Variants in ZNF273 observed in about 807,000 individuals in gnomAD.
The protein encoded by ZNF273 is zinc finger protein 9.
A neutral mutation model predicts 14.9 loss-of-function variants in ZNF273; 11 were observed. The observed-to-expected ratio is 0.74, with a 90% CI of 0.46 to 1.22. The LOEUF is 1.22. Among genes scored for constraint, ZNF273 ranks in the 50% most tolerant of loss-of-function variants. The pLI, the probability that ZNF273 is intolerant of heterozygous loss-of-function variation, is 0.00. For synonymous variants in ZNF273, 199 were observed against 223.9 expected (o/e 0.89, Z 0.99); for missense variants, 577 against 660.6 (o/e 0.87, Z 1.39).
chr7:64,915,412 T>C (rs1793903517), intron 1 of ZNF273, among the ~76,000 whole-genome samples: 1 of 152,210 alleles, frequency 6.6e-6, no homozygotes, highest in Middle Eastern at 3.2e-3. Context: ...CCCACGTATT[T>C]ATTGACAGCA....
chr7:64,899,686 T>G (rs7802123), upstream of ZNF273, among the ~76,000 whole-genome samples: 138,319 of 151,084 alleles, frequency 0.92, 63,617 homozygotes, highest in South Asian at 0.97. Flanking sequence ...TTCTATTAAG[T>G]TGTTTAAAGT....
intron 2 of ZNF273, among the ~76,000 whole-genome samples, chr7:64,878,817 C>G (rs758892355): frequency 2.0e-5 from 3 of 152,194 alleles, no homozygotes; most frequent in Non-Finnish European, 4.4e-5. Flanking sequence ...CTATGCTTCT[C>G]CTGGGCCTAG....
downstream of ZNF273, chr7:64,889,317 C>T (rs1189010402): frequency 2.1e-6 from 2 of 964,646 alleles, no homozygotes; most frequent in Non-Finnish European, 2.5e-6. The surrounding 1 kb of genome is among the most constrained non-coding windows in gnomAD (Gnocchi z 4.2). Flanking sequence ...GTGCCTGAGC[C>T]GTACCCACCG....
rs754060087 is a variant in ZNF273 at position 64,928,565 on chromosome 7, C to T, written c.1237C>T (p.Arg413Trp). The change falls in exon 4 of 4, where the codon CGG becomes TGG. Residue 413 changes from arginine to tryptophan, a missense_variant. Physicochemically the swap from Arg to Trp is moderately radical, Grantham distance 101. Around this residue, in one of 3 missense-constraint regions of ZNF273, gnomAD observed 411 missense variants for 440.4 expected, o/e 0.93. Coordinates refer to ENST00000476120, the MANE Select transcript of ZNF273 (RefSeq NM_021148.3). ...KCEECGKAFK[R>W]STTLTKHKRI... ...TGAAGAATGTGGTAAAGCCTTTAAACGGTCCACAACTCTTACTAAACATAA... is the reference window on the plus strand; with the variant it reads ...TGAAGAATGTGGTAAAGCCTTTAAATGGTCCACAACTCTTACTAAACATAA... 49 of 1,612,182 alleles carry T rather than the reference C, an allele frequency of 3.0e-5. No individual in the cohort carries two copies. Among genetic ancestry groups the T allele is most frequent in the South Asian group, 1.6e-4 (15 of 90,992 alleles).
chr7:64,900,539 G>A (rs1792637052), upstream of ZNF273, among the ~76,000 whole-genome samples: 2 of 152,196 alleles, frequency 1.3e-5, no homozygotes, highest in Admixed American at 6.5e-5. Context: ...ACTAGTGAAT[G>A]CCAGCAGCTA....
intron 1 of ZNF273, 151 bp downstream of exon 1, chr7:64,903,570 C>G (rs1792882438): frequency 1.2e-6 from 1 of 829,930 alleles, no homozygotes; most frequent in South Asian, 1.6e-5. Context: ...CCTCAGTCCC[C>G]TTCAGTCATA....
chr7:64,890,678 C>T (rs538788476), downstream of ZNF273, among the ~76,000 whole-genome samples: 7 of 152,342 alleles, frequency 4.6e-5, no homozygotes, highest in East Asian at 3.9e-4. Flanking sequence ...GCATGAGAGT[C>T]CTCTGAGCAT....
intron 1 of ZNF273, among the ~76,000 whole-genome samples, chr7:64,915,904 A>G (rs1793942850): frequency 6.6e-6 from 1 of 152,126 alleles, no homozygotes; most frequent in Admixed American, 6.6e-5. Flanking sequence ...AAAAATAATT[A>G]CTCAGAGATG....
upstream of ZNF273, chr7:64,903,134 G>C (rs1020145515): frequency 2.1e-5 from 11 of 529,326 alleles, no homozygotes; most frequent in Non-Finnish European, 3.7e-5. Flanking sequence ...CCCAGCAACT[G>C]AGCACACCTT....
In ZNF273 at chr7:64,928,431, A is replaced by G. The variant is rs1794873858; in HGVS notation, c.1103A>G (p.His368Arg). The change falls in exon 4 of 4, where the codon CAT becomes CGT. Residue 368 changes from histidine to arginine, a missense_variant. Physicochemically the swap from His to Arg is conservative, Grantham distance 29. This residue lies in a region of ZNF273 where 411 missense variants were observed against 440.4 expected (regional missense o/e 0.93). Coordinates refer to ENST00000476120, the MANE Select transcript of ZNF273 (RefSeq NM_021148.3). Reference sequence around the variant, plus strand: ...ACTCTTACTAAACATAAGAGAATTCATACTGGAGAGAAACCCTACAAATGT... The same window carrying G: ...ACTCTTACTAAACATAAGAGAATTCGTACTGGAGAGAAACCCTACAAATGT... ...SSTLTKHKRIHTGEKPYKCEE... is the reference protein window; with the variant it reads ...SSTLTKHKRIRTGEKPYKCEE... 1.2e-6 allele frequency: 2 copies of G among 1,613,774 alleles called. No homozygotes were observed. Among genetic ancestry groups the G allele is most frequent in the Non-Finnish European group, 1.7e-6 (2 of 1,179,966 alleles).
At chr7:64,890,217 T>TGAGAGAGAGAGAGAGAGA (rs768884417), downstream of ZNF273, 1 of 19,908 alleles carries the variant, frequency 5.0e-5, no homozygotes, top group Non-Finnish European at 1.5e-4. Flanking sequence ...TGTGTGTGTG[T>TGAGAGAGAGAGAGAGAGA]GTGTGAGAGA....
intron 3 of ZNF273, among the ~76,000 whole-genome samples, chr7:64,919,042 A>G (rs1006222833): frequency 1.3e-5 from 2 of 152,146 alleles, no homozygotes; most frequent in African/African-American, 4.8e-5. Flanking sequence ...TTTTCTGTAC[A>G]TTTAATCCTG....
At chr7:64,889,213 T>C, downstream of ZNF273, 1 of 985,728 alleles carries the variant, frequency 1.0e-6, no homozygotes, top group Non-Finnish European at 1.2e-6. The surrounding 1 kb of genome is among the most constrained non-coding windows in gnomAD (Gnocchi z 4.2). Flanking sequence ...CACCGGCTTG[T>C]GGAGAGGGGC....
intron 3 of ZNF273, chr7:64,923,479 T>A: frequency 2.4e-6 from 1 of 414,840 alleles, no homozygotes; most frequent in Non-Finnish European, 4.7e-6. Flanking sequence ...GTAGCTGGGA[T>A]TATAGGCGAG....
At chr7:64,885,769 C>G (rs530368761) in intron 1 of ZNF273, among the ~76,000 whole-genome samples, 8 of 152,154 alleles carry the variant, frequency 5.3e-5, no homozygotes, top group Non-Finnish European at 1.0e-4. Context: ...ATGGGTAAGG[C>G]GGTGCTGGGG....
At chr7:64,883,980 A>G (rs1791431624), downstream of ZNF273, among the ~76,000 whole-genome samples, 1 of 152,206 alleles carries the variant, frequency 6.6e-6, no homozygotes, top group South Asian at 2.1e-4. Context: ...CCAACAACGA[A>G]ACTCTTGTTC....
intron 1 of ZNF273, among the ~76,000 whole-genome samples, chr7:64,909,518 C>T (rs1303041674): frequency 2.6e-5 from 4 of 152,084 alleles, no homozygotes; most frequent in African/African-American, 7.2e-5. Context: ...TGTGAGCCAC[C>T]GCGCCCAGCC....
At chr7:64,888,892 T>G, downstream of ZNF273, 2 of 985,122 alleles carry the variant, frequency 2.0e-6, no homozygotes, top group East Asian at 1.1e-4. Context: ...ACGGAGGCCC[T>G]GAGTGCCAGA....
At chr7:64,934,754 G>GT (rs201966608), downstream of ZNF273, among the ~76,000 whole-genome samples, 1,629 of 150,196 alleles carry the variant, frequency 0.011, 29 homozygotes, top group African/African-American at 0.036. Context: ...TAACTTTAGT[G>GT]TTTTTTTTTC....
Sources: gnomAD v4.1 joint callset for allele counts (sites outside exome capture counted in the v4.1 genomes callset) on GRCh38, gnomAD v4.1.1 for gene constraint, gnomAD v4.1.1 regional missense constraint, Gnocchi (gnomAD v3.1) non-coding constraint, MANE v1.5 for transcripts, NCBI Gene and HGNC (gene_info 2026-07-23, HGNC 2026-07-21) for gene names.